Variants in SLC19A1 observed in about 807,000 individuals in gnomAD.
SLC19A1 encodes the protein solute carrier family 19 member 1.
SLC19A1 carries 37 observed loss-of-function variants against 35.3 expected under a neutral mutation model. The ratio of observed to expected loss-of-function variants is 1.05; its 90% CI spans 0.81 to 1.38. The LOEUF (loss-of-function observed/expected upper bound fraction) is 1.38, where lower values mean the gene tolerates loss of function less well. Ranked by LOEUF, SLC19A1 falls within the 40% of genes most tolerant of loss-of-function variation. SLC19A1 has a pLI of 0.00. For missense variants in SLC19A1, 831 were observed against 826.9 expected (o/e 1.00, Z -0.06); for synonymous variants, 460 against 398.5 (o/e 1.15, Z -1.84).
At chr21:45,542,518 C>T (rs2078345493), upstream of SLC19A1, 1 of 151,040 alleles carries the variant, frequency 6.6e-6, no homozygotes, top group African/African-American at 2.4e-5. Flanking sequence ...GAGGGCGGGG[C>T]CTCGCGCGTG....
rs2077595746 is a variant in SLC19A1, at chr21:45,525,867, T to C, written c.1243A>G (p.Thr415Ala). The change falls in exon 5 of 6, where the codon ACT (threonine) becomes GCT (alanine). Residue 415 changes from threonine to alanine, a missense_variant. Transcript: ENST00000311124. ...FFATIVKTII[T>A]FIVSDVRGLG... is the part of the protein sequence containing the mutation. Reference sequence around the variant, plus strand: ...CCCCGCACGTCCGAGACAATGAAAGTGATGATGGTCTTGACGATGGTGGCA... The same window carrying C: ...CCCCGCACGTCCGAGACAATGAAAGCGATGATGGTCTTGACGATGGTGGCA... 1.2e-6 allele frequency: 2 copies of C among 1,613,332 alleles called. No homozygotes were observed. The highest frequency in any genetic ancestry group is 1.1e-5 in the South Asian group (1 of 91,070).
chr21:45,508,547 A>T (rs1220559883), downstream of SLC19A1, among the ~76,000 whole-genome samples: 1 of 151,160 alleles, frequency 6.6e-6, no homozygotes, highest in Non-Finnish European at 1.5e-5. Flanking sequence ...GATGGGTAGA[A>T]ATATTTTCGT....
intron 1 of SLC19A1, among the ~76,000 whole-genome samples, chr21:45,551,908 C>T (rs1210027334): frequency 6.6e-6 from 1 of 152,172 alleles, no homozygotes. Context: ...ATGTCCACGC[C>T]TTTATGTCCG....
At chr21:45,532,909 C>T (rs1045825734) in intron 2 of SLC19A1, among the ~76,000 whole-genome samples, 2 of 152,134 alleles carry the variant, frequency 1.3e-5, no homozygotes, top group Non-Finnish European at 2.9e-5. Flanking sequence ...ACAGCAGGTT[C>T]GTGGGAGGGA....
At position 45,515,784 on chromosome 21, in the gene SLC19A1, G is replaced by A. The variant is rs770080088; in HGVS notation, c.1650C>T (p.Ser550=). The part of the protein sequence containing the change: ...VTTPSPCTLC[S]AQASGPEAAD... ...CAGCCTCAGGGCCTGAGGCTTGGGC[G>A]GAGCACAGAGTGCAGGGGGAAGGGG... is the stretch of plus-strand genomic sequence containing the variant. Residue 550 remains serine (S), a synonymous_variant, in exon 6 of 6, where the codon TCC becomes TCT. Coordinates refer to ENST00000311124, the MANE Select transcript of SLC19A1 (RefSeq NM_194255.4). 105 of 1,613,324 alleles carry A rather than the reference G, an allele frequency of 6.5e-5. No homozygotes were observed. Among genetic ancestry groups the A allele is most frequent in the Middle Eastern group, 3.3e-4 (2 of 6,084 alleles).
At chr21:45,508,860 A>C (rs910366087), downstream of SLC19A1, among the ~76,000 whole-genome samples, 8 of 152,250 alleles carry the variant, frequency 5.3e-5, no homozygotes, top group African/African-American at 1.9e-4. Flanking sequence ...GTGCAGGTGG[A>C]TGGCAATGGC....
At chr21:45,556,738 T>C (rs1167023283) in intron 1 of SLC19A1, among the ~76,000 whole-genome samples, 1 of 152,138 alleles carries the variant, frequency 6.6e-6, no homozygotes, top group Non-Finnish European at 1.5e-5. Context: ...GGCTGATCTG[T>C]CTCTGTTGCA....
chr21:45,560,126 T>C (rs1362255288), intron 1 of SLC19A1, among the ~76,000 whole-genome samples: 1 of 151,864 alleles, frequency 6.6e-6, no homozygotes, highest in East Asian at 1.9e-4. Flanking sequence ...GGGTCACTCA[T>C]GGAGCATAAA....
rs1184244380 is a variant in SLC19A1 at position 45,540,403 on chromosome 21, G to A, written c.-50+1965C>T. The stretch of plus-strand genomic sequence containing the variant: ...CAGATCCCCACCCACAGGACCCCCA[G>A]GGGCCCGGGAGCCCTGGGTACTTGG... On this transcript the variant is annotated intron_variant, in intron 1 of 5. Transcript: ENST00000311124. The surrounding 1 kb of genome is among the most constrained non-coding windows in gnomAD (Gnocchi z 5.5). Among the ~76,000 whole-genome samples the A allele has an allele frequency of 2.0e-5, 3 of 152,154 alleles. No homozygotes were observed. Among genetic ancestry groups the A allele is most frequent in the Non-Finnish European group, 4.4e-5 (3 of 68,014 alleles).
intron 1 of SLC19A1, among the ~76,000 whole-genome samples, chr21:45,539,729 G>A (rs2078244783): frequency 6.6e-6 from 1 of 152,178 alleles, no homozygotes; most frequent in Non-Finnish European, 1.5e-5. Flanking sequence ...CATCATCTGG[G>A]GTCCCGTCTT....
chr21:45,503,765 A>C lies in SLC19A1; in HGVS notation c.498-5153T>G, dbSNP rs2037008342. On this transcript the variant is annotated intron_variant, in intron 3 of 4. Transcript: ENST00000417954. ...ACTAACCTGCACATCATGCACATGT[A>C]CCCTAAAACTTAAAGTATAATAATA... 2.0e-5 allele frequency among the ~76,000 whole-genome samples: 3 copies of C among 152,140 alleles called. No individual in the cohort carries two copies. In the South Asian group the frequency reaches 6.2e-4, roughly 32 times the overall value.
intron 4 of SLC19A1, among the ~76,000 whole-genome samples, chr21:45,526,305 G>A (rs149335178): frequency 6.6e-6 from 1 of 152,248 alleles, no homozygotes; most frequent in Non-Finnish European, 1.5e-5. Context: ...TGGAACCCAA[G>A]TCTAAACACG....
Position 45,526,606 on chromosome 21 carries a change from C to G in SLC19A1, c.1152-648G>C, listed in dbSNP as rs28665979. On this transcript the variant is annotated intron_variant, in intron 4 of 5. Transcript: ENST00000311124. ...TGTTATTTTTTTTTAGATGGAGTCT[C>G]GCTCTGTTGCCCAGGCGTGCAATGG... 4.7e-3 allele frequency among the ~76,000 whole-genome samples: 721 copies of G among 152,298 alleles called. 4 individuals are homozygous for G. The highest frequency in any genetic ancestry group is 0.017 in the African/African-American group (696 of 41,556).
chr21:45,509,403 C>A (rs980891387), downstream of SLC19A1: 5 of 1,543,192 alleles, frequency 3.2e-6, no homozygotes, highest in East Asian at 9.7e-5. Context: ...AGCTGCACGA[C>A]AGCAACCCCT....
intron 1 of SLC19A1, among the ~76,000 whole-genome samples, chr21:45,551,640 G>A (rs762788358): frequency 2.0e-5 from 3 of 152,180 alleles, no homozygotes; most frequent in Non-Finnish European, 2.9e-5. Context: ...CAAAGAACGT[G>A]GCCTAAGCAG....
intron 1 of SLC19A1, among the ~76,000 whole-genome samples, chr21:45,554,778 G>T (rs563282415): frequency 2.6e-5 from 4 of 151,658 alleles, no homozygotes; most frequent in African/African-American, 9.7e-5. Context: ...TACTATTATT[G>T]TTATGACAAG....
chr21:45,507,657 C>T (rs1398251601), downstream of SLC19A1: 1 of 1,497,690 alleles, frequency 6.7e-7, no homozygotes, highest in Non-Finnish European at 9.3e-7. Flanking sequence ...ATGTGCTGTC[C>T]CCTGTTTGAG....
chr21:45,518,560 A>C (rs2038080148), intron 5 of SLC19A1, among the ~76,000 whole-genome samples: 1 of 152,222 alleles, frequency 6.6e-6, no homozygotes, highest in East Asian at 1.9e-4. Context: ...CACATACCAT[A>C]TTCAAACTTC....
At chr21:45,519,856 A>G (rs1255384126) in intron 5 of SLC19A1, among the ~76,000 whole-genome samples, 2 of 152,198 alleles carry the variant, frequency 1.3e-5, no homozygotes, top group East Asian at 3.8e-4. Flanking sequence ...CAATACCATC[A>G]GCCAACAGGA....
Sources: allele counts gnomAD v4.1 joint callset (sites outside exome capture counted in the v4.1 genomes callset), GRCh38; gene constraint gnomAD v4.1.1; non-coding constraint Gnocchi (gnomAD v3.1); transcripts MANE v1.5; gene names NCBI Gene and HGNC (gene_info 2026-07-23, HGNC 2026-07-21).